The following GRIA1 variants were observed in gnomAD, a reference collection of about 807,000 sequenced individuals.
GRIA1 encodes the protein glutamate ionotropic receptor AMPA type subunit 1.
GRIA1 carries 31 observed loss-of-function variants against 99.2 expected under a neutral mutation model. The observed-to-expected ratio is 0.31, with a 90% CI of 0.23 to 0.42. The LOEUF is 0.42. Ranked by LOEUF, GRIA1 falls within the 10% of genes least tolerant of loss-of-function variation. The pLI is 1.00. For synonymous variants in GRIA1, 438 were observed against 432.4 expected, an observed-to-expected ratio of 1.01 and a Z score of -0.16; for missense variants, 782 against 1,157.5, an observed-to-expected ratio of 0.68 and a Z score of 4.71.
chr5:153,539,564 C>G (rs1758878489), intron 2 of GRIA1, among the ~76,000 whole-genome samples: 1 of 152,200 alleles, frequency 6.6e-6, no homozygotes. Context: ...AGCTCACCTT[C>G]TTGTACCTCA....
chr5:153,666,244 G>A (rs919055495), intron 5 of GRIA1, among the ~76,000 whole-genome samples: 2 of 152,150 alleles, frequency 1.3e-5, no homozygotes, highest in Non-Finnish European at 2.9e-5. Flanking sequence ...CCTGATCCAG[G>A]TACTGCTTGT....
At chr5:153,625,976 G>A (rs187651025) in intron 2 of GRIA1, among the ~76,000 whole-genome samples, 252 of 152,242 alleles carry the variant, frequency 1.7e-3, no homozygotes, top group African/African-American at 5.5e-3. Flanking sequence ...GCCTACGCCC[G>A]TCACTTAGTG....
chr5:153,790,675 T>C (rs1390368407), intron 13 of GRIA1, among the ~76,000 whole-genome samples: 2 of 152,220 alleles, frequency 1.3e-5, no homozygotes, highest in Admixed American at 6.5e-5. Flanking sequence ...TCTTTGATTA[T>C]TTGAACATCT....
intron 11 of GRIA1, 45 bp downstream of exon 11, chr5:153,706,112 G>C: frequency 7.2e-7 from 1 of 1,390,594 alleles, no homozygotes; most frequent in Non-Finnish European, 1.0e-6. Flanking sequence ...CTATGGTTTT[G>C]TTTGTTTGTT....
chr5:153,527,589 A>G (rs1008494360), intron 2 of GRIA1, among the ~76,000 whole-genome samples: 2 of 152,154 alleles, frequency 1.3e-5, no homozygotes, highest in African/African-American at 4.8e-5. Context: ...CAGTGGTGGC[A>G]GGCACCCTTC....
intron 11 of GRIA1, among the ~76,000 whole-genome samples, chr5:153,759,896 T>C (rs1203950894): frequency 6.6e-6 from 1 of 151,992 alleles, no homozygotes; most frequent in Middle Eastern, 3.4e-3. Flanking sequence ...TTCAACATAT[T>C]CAAATCAATA....
chr5:153,698,847 T>C lies in GRIA1; in HGVS notation c.1246-20T>C. The C allele has an allele frequency of 6.5e-7, 1 of 1,534,970 alleles. No individual in the cohort carries two copies. The highest frequency in any genetic ancestry group is 9.0e-7 in the Non-Finnish European group (1 of 1,107,816). On this transcript the variant is annotated intron_variant, in intron 9 of 15. Coordinates refer to ENST00000285900, the MANE Select transcript of GRIA1 (RefSeq NM_000827.4). ...TGAACCCATAACCCACATTCTGCTA[T>C]CTCCCCATTTCTCTTCCAGGAAGAT... is the stretch of plus-strand genomic sequence containing the variant.
intron 5 of GRIA1, among the ~76,000 whole-genome samples, chr5:153,671,007 A>T (rs1252861290): frequency 1.3e-5 from 2 of 152,188 alleles, no homozygotes; most frequent in African/African-American, 4.8e-5. Flanking sequence ...CATGACCACA[A>T]GTTATTTCCT....
At chr5:153,769,864 A>G (rs990041842) in intron 12 of GRIA1, among the ~76,000 whole-genome samples, 1 of 152,060 alleles carries the variant, frequency 6.6e-6, no homozygotes, top group Non-Finnish European at 1.5e-5. Context: ...CCTTTAATGT[A>G]TTTAAAAGTC....
At chr5:153,578,277 ATAGT>A (rs1244492653) in intron 2 of GRIA1, among the ~76,000 whole-genome samples, 1 of 152,150 alleles carries the variant, frequency 6.6e-6, no homozygotes, top group African/African-American at 2.4e-5. Context: ...ATTCGTTTAA[ATAGT>A]GGGTCAGTGA....
chr5:153,694,581 C>T (rs902321140), intron 8 of GRIA1, among the ~76,000 whole-genome samples: 2 of 152,186 alleles, frequency 1.3e-5, no homozygotes, highest in Admixed American at 6.5e-5. Flanking sequence ...CTCATAGCAG[C>T]CCATGAGGCA....
At chr5:153,658,713 G>T (rs1392177406) in intron 5 of GRIA1, among the ~76,000 whole-genome samples, 1 of 152,168 alleles carries the variant, frequency 6.6e-6, no homozygotes, top group Non-Finnish European at 1.5e-5. Flanking sequence ...TGTGATTAGG[G>T]TGTAATTATA....
chr5:153,644,904 AAGG>A (rs1438088716), intron 2 of GRIA1, among the ~76,000 whole-genome samples: 1 of 151,820 alleles, frequency 6.6e-6, no homozygotes, highest in Non-Finnish European at 1.5e-5. Context: ...AGCAGGCAGC[AAGG>A]AGAAGACGGT....
intron 12 of GRIA1, among the ~76,000 whole-genome samples, chr5:153,766,080 G>T (rs889082869): frequency 2.0e-5 from 3 of 152,128 alleles, no homozygotes; most frequent in African/African-American, 7.2e-5. Flanking sequence ...TTGACCATGG[G>T]CTTTGTATTC....
intron 2 of GRIA1, among the ~76,000 whole-genome samples, chr5:153,615,948 C>T (rs1200854791): frequency 6.6e-6 from 1 of 152,134 alleles, no homozygotes; most frequent in East Asian, 1.9e-4. Flanking sequence ...TTTGAAAGCA[C>T]TATCTGTGGG....
In GRIA1 at chr5:153,681,843, G is replaced by A. The variant is rs141017514; in HGVS notation, c.1030-4382G>A. Among the ~76,000 whole-genome samples, 1,167 of 152,186 alleles carry A rather than the reference G, an allele frequency of 7.7e-3. 20 individuals carry two copies. Among genetic ancestry groups the A allele is most frequent in the African/African-American group, 0.027 (1,117 of 41,514 alleles). Reference sequence around the variant, plus strand: ...GAGGTAAGGAGTTTGAGACCAACCTGGCCAACATAGTGAAACCCTGTCTCT... The same window carrying A: ...GAGGTAAGGAGTTTGAGACCAACCTAGCCAACATAGTGAAACCCTGTCTCT... On this transcript the variant is annotated intron_variant, in intron 7 of 15. Coordinates refer to ENST00000285900, the MANE Select transcript of GRIA1 (RefSeq NM_000827.4).
Position 153,674,482 on chromosome 5 carries a change from C to T in GRIA1, c.700-18C>T, listed in dbSNP as rs1756423520. 1.9e-6 allele frequency: 3 copies of T among 1,613,808 alleles called. No homozygotes were observed. The East Asian group carries it at 6.7e-5, about 36-fold the overall frequency. On this transcript the variant is annotated intron_variant, in intron 5 of 15. Transcript: ENST00000285900. ...CCAGGCAGCATGTTCTAACTTCTCC[C>T]TCCTCCCCCTCTCACAGGGCTTCAT...
chr5:153,569,148 A>C (rs1761903827), intron 2 of GRIA1, among the ~76,000 whole-genome samples: 1 of 152,246 alleles, frequency 6.6e-6, no homozygotes, highest in Admixed American at 6.5e-5. Context: ...AACAGAGGCC[A>C]CATCTTTGTC....
At chr5:153,496,152 T>C (rs1754400042) in intron 2 of GRIA1, among the ~76,000 whole-genome samples, 1 of 152,236 alleles carries the variant, frequency 6.6e-6, no homozygotes, top group African/African-American at 2.4e-5. Context: ...AAGGTGGTGC[T>C]TCTGTCTTGT....
Sources: allele counts gnomAD v4.1 joint callset (sites outside exome capture counted in the v4.1 genomes callset), GRCh38; gene constraint gnomAD v4.1.1; transcripts MANE v1.5; gene names NCBI Gene and HGNC (gene_info 2026-07-23, HGNC 2026-07-21).